The following SIRT4 variants were observed in gnomAD, a reference collection of about 807,000 sequenced individuals.
SIRT4 encodes NAD-dependent protein lipoamidase sirtuin-4, mitochondrial.
Under a neutral mutation model 26.1 loss-of-function variants are expected in SIRT4, and 23 were observed. That is an observed-to-expected ratio of 0.88 (90% CI 0.63 to 1.25). SIRT4 has a LOEUF of 1.25. Ranked by LOEUF, SIRT4 falls within the 50% of genes most tolerant of loss-of-function variation. The pLI is 0.00. For synonymous variants in SIRT4, 155 were observed against 158.4 expected (o/e 0.98, Z 0.16); for missense variants, 361 against 405.4 (o/e 0.89, Z 0.94).
the SIRT4 span, among the ~76,000 whole-genome samples, chr12:120,296,082 G>A: frequency 2.0e-5 from 1 of 49,840 alleles, no homozygotes; most frequent in Non-Finnish European, 3.2e-5. Flanking sequence ...GCGAGACTCC[G>A]TCTCAAAAAA....
the SIRT4 span, chr12:120,293,153 C>CG: frequency 6.6e-6 from 1 of 152,152 alleles, no homozygotes; most frequent in South Asian, 2.1e-4. Context: ...GTCGTCACGG[C>CG]GGGGTATTGG....
Position 120,303,782 on chromosome 12 carries a change from A to T in SIRT4, c.221A>T (p.Tyr74Phe). Reference protein sequence around the residue: ...GISTESGIPDYRSEKVGLYAR... With the variant: ...GISTESGIPDFRSEKVGLYAR... ...TCCACCGAATCGGGGATACCAGACT[A>T]CAGGTCAGAAAAAGTGGGGCTTTAT... Residue 74 changes from tyrosine (Y) to phenylalanine (F), a missense_variant, in exon 2 of 4, where the codon TAC becomes TTC. Physicochemically the swap from Tyr to Phe is conservative, Grantham distance 22 (BLOSUM62 3). Transcript: ENST00000202967. 6.2e-7 allele frequency: 1 copy of T among 1,614,114 alleles called. No individual in the cohort carries two copies. Among genetic ancestry groups the T allele is most frequent in the Non-Finnish European group, 8.5e-7 (1 of 1,180,006 alleles).
Position 120,312,767 on chromosome 12 carries a change from G to A in SIRT4, c.792+17G>A, listed in dbSNP as rs1466217651. The stretch of plus-strand genomic sequence containing the variant: ...TCCTTGCAGGTATCTGACTTGGCAA[G>A]AGTGGTAACCACCCCTTGTGCGGGA... On this transcript the variant is annotated intron_variant, in intron 3 of 3. Transcript: ENST00000202967. 1 of 1,609,154 alleles carries A rather than the reference G, an allele frequency of 6.2e-7. No individual in the cohort carries two copies. Among genetic ancestry groups the A allele is most frequent in the Non-Finnish European group, 8.5e-7 (1 of 1,177,036 alleles).
intron 2 of SIRT4, among the ~76,000 whole-genome samples, chr12:120,308,837 C>G (rs1391984780): frequency 6.6e-6 from 1 of 152,050 alleles, no homozygotes; most frequent in Non-Finnish European, 1.5e-5. Context: ...AAGGTGGTAT[C>G]CAGGGAATTT....
At chr12:120,292,217 G>A in the SIRT4 span, among the ~76,000 whole-genome samples, 2,904 of 152,324 alleles carry the variant, frequency 0.019, 43 homozygotes, top group Non-Finnish European at 0.028. Flanking sequence ...CCTGGAGGGC[G>A]CAGACGGACG....
chr12:120,293,061 A>G, the SIRT4 span: 2 of 134,274 alleles, frequency 1.5e-5, no homozygotes, highest in Non-Finnish European at 3.2e-5. Context: ...ACACACACAA[A>G]AAAAGCCTCT....
chr12:120,307,376 C>T (rs1872781194), intron 2 of SIRT4, among the ~76,000 whole-genome samples: 2 of 152,074 alleles, frequency 1.3e-5, no homozygotes, highest in Admixed American at 1.3e-4. Flanking sequence ...ATAGTCCCAG[C>T]TACTCGGGAG....
intron 2 of SIRT4, among the ~76,000 whole-genome samples, chr12:120,310,280 C>T (rs1361499629): frequency 6.6e-6 from 1 of 151,950 alleles, no homozygotes; most frequent in African/African-American, 2.4e-5. Flanking sequence ...GCAGGAGAAT[C>T]GCTTAAGCCC....
chr12:120,312,595 C>T lies in SIRT4; in HGVS notation c.637C>T (p.Arg213Trp), dbSNP rs138164230. The T allele has an allele frequency of 5.2e-3, 8,314 of 1,614,146 alleles. 28 individuals carry two copies. The highest frequency in any genetic ancestry group is 6.6e-3 in the Non-Finnish European group (7,760 of 1,180,018). Residue 213 changes from arginine (R) to tryptophan (W), a missense_variant, in exon 3 of 4, where the codon CGG becomes TGG. Coordinates refer to ENST00000202967, the MANE Select transcript of SIRT4 (RefSeq NM_012240.3). ...CGTCTTTCTCTCAGAGGAGCAAGTC[C>T]GGAGCTTTCAGGTCCCAACCTGCGT... is the stretch of plus-strand genomic sequence containing the variant. ...GDVFLSEEQV[R>W]SFQVPTCVQC...
chr12:120,294,035 C>CTTTTTT, the SIRT4 span, among the ~76,000 whole-genome samples: 2 of 25,708 alleles, frequency 7.8e-5, no homozygotes, highest in Non-Finnish European at 1.4e-4. Context: ...GGAGTTTTTG[C>CTTTTTT]TCTTGTTGCC....
chr12:120,300,972 T>C (rs1872519671), upstream of SIRT4, among the ~76,000 whole-genome samples: 1 of 152,120 alleles, frequency 6.6e-6, no homozygotes, highest in East Asian at 1.9e-4. Flanking sequence ...AAAAAAAATA[T>C]GATAAATAAA....
At chr12:120,306,649 A>G (rs1872757024) in intron 2 of SIRT4, among the ~76,000 whole-genome samples, 1 of 151,694 alleles carries the variant, frequency 6.6e-6, no homozygotes, top group African/African-American at 2.4e-5. Context: ...TAAAAATACA[A>G]AAAATTACCT....
the SIRT4 span, chr12:120,291,939 T>C: frequency 6.6e-6 from 1 of 152,156 alleles, no homozygotes. Context: ...CCCCCACGGA[T>C]GATGACTACC....
intron 2 of SIRT4, among the ~76,000 whole-genome samples, chr12:120,307,982 A>G (rs755371648): frequency 1.3e-5 from 2 of 152,256 alleles, no homozygotes; most frequent in Non-Finnish European, 1.5e-5. Flanking sequence ...CAGATTTAGT[A>G]AAGATTGGAA....
chr12:120,309,583 TG>T (rs1168013115), intron 2 of SIRT4, among the ~76,000 whole-genome samples: 1 of 151,814 alleles, frequency 6.6e-6, no homozygotes. Context: ...GGCTAATTTT[TG>T]TATTTTTGGT....
At chr12:120,299,855 T>C (rs1182144843), upstream of SIRT4, among the ~76,000 whole-genome samples, 1 of 152,116 alleles carries the variant, frequency 6.6e-6, no homozygotes. Flanking sequence ...CAGAGTCATT[T>C]ATCTTTTAAT....
In SIRT4 at chr12:120,303,767, C is replaced by T. The variant is rs182780868; in HGVS notation, c.206C>T (p.Ser69Leu). The T allele has an allele frequency of 2.7e-5, 44 of 1,614,106 alleles. No homozygotes were observed. The Middle Eastern group carries it at 6.6e-4, about 24-fold the overall frequency. The change falls in exon 2 of 4, where the codon TCG becomes TTG. Residue 69 changes from serine (S) to leucine (L), a missense_variant. Physicochemically the swap from Ser to Leu is moderately radical, Grantham distance 145 (BLOSUM62 -2). Transcript: ENST00000202967. The part of the protein sequence containing the change: ...VMTGAGISTE[S>L]GIPDYRSEKV... ...ACTGGGGCAGGAATCTCCACCGAAT[C>T]GGGGATACCAGACTACAGGTCAGAA...
intron 1 of SIRT4, among the ~76,000 whole-genome samples, chr12:120,303,253 G>C (rs1231945896): frequency 6.6e-6 from 1 of 151,798 alleles, no homozygotes; most frequent in Non-Finnish European, 1.5e-5. Context: ...GCCGAGGCGG[G>C]CAGATCACTA....
the SIRT4 span, chr12:120,293,208 T>G: frequency 5.3e-5 from 8 of 152,204 alleles, no homozygotes; most frequent in East Asian, 1.9e-4. Flanking sequence ...ATAGACCTCA[T>G]TGGCTACGAT....
Sources: gnomAD v4.1 joint callset for allele counts (sites outside exome capture counted in the v4.1 genomes callset) on GRCh38, gnomAD v4.1.1 for gene constraint, MANE v1.5 for transcripts, NCBI Gene and HGNC (gene_info 2026-07-23, HGNC 2026-07-21) for gene names.